Variants in TSFM observed in about 807,000 individuals in gnomAD.
TSFM encodes elongation factor Ts, mitochondrial.
Under a neutral mutation model 33.4 loss-of-function variants are expected in TSFM, and 29 were observed. The ratio of observed to expected loss-of-function variants is 0.87; its 90% confidence interval spans 0.65 to 1.18. TSFM has a LOEUF of 1.18. Among genes scored for constraint, TSFM ranks in the 50% most tolerant of loss-of-function variants. The pLI, the probability that TSFM is intolerant of heterozygous loss-of-function variation, is 0.00. For missense variants in TSFM, 394 were observed against 395.6 expected (o/e 1.00, Z 0.04); for synonymous variants, 178 against 163.5 (o/e 1.09, Z -0.68).
At chr12:57,784,023 G>A (rs1212001575) in intron 2 of TSFM, 2 of 702,846 alleles carry the variant, frequency 2.8e-6, no homozygotes, top group South Asian at 3.0e-5. Context: ...AGGAGATTTT[G>A]GCTTATGCAC....
intron 4 of TSFM, among the ~76,000 whole-genome samples, chr12:57,788,182 A>T (rs1318251617): frequency 1.3e-5 from 2 of 151,914 alleles, no homozygotes; most frequent in African/African-American, 2.4e-5. Context: ...CAATGTTGAG[A>T]TTATTTTTTT....
chr12:57,799,109 G>T (rs1165371398), downstream of TSFM, among the ~76,000 whole-genome samples: 1 of 152,208 alleles, frequency 6.6e-6, no homozygotes, highest in Non-Finnish European at 1.5e-5. Context: ...AGGGACTGGA[G>T]CAGGTATGGG....
downstream of TSFM, chr12:57,801,279 G>A (rs527482959): frequency 7.5e-7 from 1 of 1,341,986 alleles, no homozygotes; most frequent in African/African-American, 1.5e-5. Context: ...CTTAGGTCTG[G>A]TCTGTGTCTT....
chr12:57,784,301 T>C (rs546158704), intron 2 of TSFM: 1 of 593,902 alleles, frequency 1.7e-6, no homozygotes, highest in South Asian at 1.9e-5. Context: ...GGTGAGTCAG[T>C]GAGTGGTGAG....
intron 4 of TSFM, among the ~76,000 whole-genome samples, chr12:57,788,809 G>A (rs1212168160): frequency 6.6e-6 from 1 of 151,412 alleles, no homozygotes; most frequent in Non-Finnish European, 1.5e-5. Context: ...TCATTTTTAA[G>A]TTTTTTGTAG....
chr12:57,787,413 T>C (rs566626545), intron 4 of TSFM, among the ~76,000 whole-genome samples: 1 of 152,328 alleles, frequency 6.6e-6, no homozygotes, highest in South Asian at 2.1e-4. Context: ...CCCAGCAGAA[T>C]GTAAGCTTTA....
intron 5 of TSFM, among the ~76,000 whole-genome samples, chr12:57,794,926 A>G (rs1955710637): frequency 6.6e-6 from 1 of 151,442 alleles, no homozygotes; most frequent in Non-Finnish European, 1.5e-5. Flanking sequence ...CGCCCGGCTA[A>G]TTTTTTGTAT....
At chr12:57,792,704 C>T (rs911224277) in intron 4 of TSFM, among the ~76,000 whole-genome samples, 1 of 151,992 alleles carries the variant, frequency 6.6e-6, no homozygotes. Context: ...GCGATTCTCA[C>T]GTCTCAGGCT....
intron 2 of TSFM, chr12:57,783,824 C>T: frequency 1.6e-6 from 1 of 627,148 alleles, no homozygotes; most frequent in East Asian, 2.7e-5. Flanking sequence ...CCGTGTCGGC[C>T]AGGCTGGTCT....
chr12:57,801,155 G>T (rs780595972), downstream of TSFM: 3 of 1,613,412 alleles, frequency 1.9e-6, no homozygotes, highest in Non-Finnish European at 2.5e-6. Flanking sequence ...GCAGTGATTC[G>T]CATGATAGCA....
intron 4 of TSFM, among the ~76,000 whole-genome samples, chr12:57,790,656 T>G (rs924471473): frequency 1.3e-5 from 2 of 151,862 alleles, no homozygotes; most frequent in African/African-American, 4.8e-5. Context: ...CTCCGTTTAG[T>G]TATTTGGATT....
At chr12:57,783,605 T>G in intron 2 of TSFM, 1 of 564,882 alleles carries the variant, frequency 1.8e-6, no homozygotes. Flanking sequence ...ACTTTTTTTT[T>G]TTTTTTCAGA....
downstream of TSFM, chr12:57,800,042 T>C: frequency 1.6e-6 from 2 of 1,268,904 alleles, no homozygotes; most frequent in East Asian, 4.7e-5. Flanking sequence ...GTAATCATCT[T>C]TGATAACAAT....
At chr12:57,799,019 A>G (rs1475360657), downstream of TSFM, among the ~76,000 whole-genome samples, 1 of 152,208 alleles carries the variant, frequency 6.6e-6, no homozygotes, top group Non-Finnish European at 1.5e-5. Context: ...AGCTGAGAAT[A>G]TGATGGTGAG....
chr12:57,790,060 CTTTTTTTTTTTTT>C (rs35382401), intron 4 of TSFM, among the ~76,000 whole-genome samples: 2 of 105,440 alleles, frequency 1.9e-5, no homozygotes, highest in Middle Eastern at 5.6e-3. Flanking sequence ...TTCTTTCTTT[CTTTTTTTTTTTTT>C]TTTTTTTTGA....
At position 57,796,400 on chromosome 12, in the gene TSFM, C is replaced by CCT. The variant is rs770374058; in HGVS notation, c.800_801dup (p.Val268LeufsTer41). ...GGCAGCATGTGGTGGGCATGGCCCC[C>CCT]CTCTCTGTTGGCTCCCTGGACGATG... is the stretch of plus-strand genomic sequence containing the variant. On this transcript the variant is annotated frameshift_variant, in exon 6 of 6. Transcript: ENST00000652027. LOFTEE classifies it high-confidence loss of function. 4 of 1,602,510 alleles carry CCT rather than the reference C, an allele frequency of 2.5e-6. No individual in the cohort carries two copies. The highest frequency in any genetic ancestry group is 8.5e-7 in the Non-Finnish European group (1 of 1,174,380).
chr12:57,790,097 T>C (rs559099591), intron 4 of TSFM, among the ~76,000 whole-genome samples: 1 of 139,372 alleles, frequency 7.2e-6, no homozygotes, highest in African/African-American at 2.7e-5. Context: ...AGAGTGTTGC[T>C]GTGTAGCCCA....
chr12:57,791,918 C>G, intron 4 of TSFM: 1 of 369,706 alleles, frequency 2.7e-6, no homozygotes, highest in Non-Finnish European at 5.5e-6. Flanking sequence ...ATGTGCAAAT[C>G]TAGCTCTAAC....
At chr12:57,794,852 C>T (rs1363080676) in intron 5 of TSFM, among the ~76,000 whole-genome samples, 3 of 150,878 alleles carry the variant, frequency 2.0e-5, no homozygotes, top group African/African-American at 4.9e-5. Context: ...CTCTGCCTCC[C>T]GGGCTCACGC....
Sources: gnomAD v4.1 joint callset for allele counts (sites outside exome capture counted in the v4.1 genomes callset) on GRCh38, gnomAD v4.1.1 for gene constraint, MANE v1.5 for transcripts, NCBI Gene and HGNC (gene_info 2026-07-23, HGNC 2026-07-21) for gene names.